GPC5: variants seen among roughly 807,000 people sequenced by gnomAD.
The protein encoded by GPC5 is glypican-5.
A neutral mutation model predicts 53.9 loss-of-function variants in GPC5; 47 were observed. The ratio of observed to expected loss-of-function variants is 0.87; its 90% CI spans 0.69 to 1.11. The LOEUF is 1.11. GPC5 is among the 50% of genes most tolerant of loss of function. The pLI is 0.00. For missense variants in GPC5, 748 were observed against 713.1 expected, an observed-to-expected ratio of 1.05 and a Z score of -0.56; for synonymous variants, 286 against 263.3, an observed-to-expected ratio of 1.09 and a Z score of -0.84.
At chr13:92,289,648 T>A (rs2042980330) in intron 7 of GPC5, among the ~76,000 whole-genome samples, 1 of 151,948 alleles carries the variant, frequency 6.6e-6, no homozygotes, top group African/African-American at 2.4e-5. Flanking sequence ...TTATCTCAAA[T>A]AATAATCATA....
intron 2 of GPC5, among the ~76,000 whole-genome samples, chr13:91,465,750 T>G (rs1043155465): frequency 1.3e-5 from 2 of 151,776 alleles, no homozygotes; most frequent in African/African-American, 4.9e-5. Flanking sequence ...TATCTTTAAC[T>G]TTTTTTCCTC....
At chr13:92,287,527 C>T (rs927303815) in intron 7 of GPC5, among the ~76,000 whole-genome samples, 1 of 151,606 alleles carries the variant, frequency 6.6e-6, no homozygotes, top group African/African-American at 2.4e-5. Flanking sequence ...CATATTGAAG[C>T]TCTTTTATTT....
intron 7 of GPC5, among the ~76,000 whole-genome samples, chr13:92,650,335 C>T (rs938996280): frequency 1.3e-5 from 2 of 152,056 alleles, no homozygotes; most frequent in African/African-American, 4.8e-5. Flanking sequence ...AAGGAAAGTC[C>T]CTTCACACAC....
chr13:91,430,926 G>A (rs541903238), intron 1 of GPC5, among the ~76,000 whole-genome samples: 1 of 152,322 alleles, frequency 6.6e-6, no homozygotes, highest in East Asian at 1.9e-4. Context: ...ATAGGCTGGA[G>A]TGCAGGGGCG....
chr13:91,993,389 A>G (rs965292374), intron 6 of GPC5, among the ~76,000 whole-genome samples: 2 of 152,036 alleles, frequency 1.3e-5, no homozygotes, highest in African/African-American at 4.8e-5. Flanking sequence ...TCAACCCTGA[A>G]TTATGGTTCT....
At chr13:92,801,458 T>C (rs1291760983) in intron 7 of GPC5, among the ~76,000 whole-genome samples, 2 of 151,848 alleles carry the variant, frequency 1.3e-5, no homozygotes, top group Non-Finnish European at 2.9e-5. Flanking sequence ...TTATCTATAG[T>C]ACATAATATT....
At chr13:92,046,277 A>T (rs919022045) in intron 6 of GPC5, among the ~76,000 whole-genome samples, 2 of 152,294 alleles carry the variant, frequency 1.3e-5, no homozygotes, top group East Asian at 3.9e-4. Flanking sequence ...GTTCTTCTAA[A>T]AATATTTCAT....
chr13:92,151,034 G>A lies in GPC5; in HGVS notation c.1561+6045G>A, dbSNP rs140412636. 3.5e-3 allele frequency among the ~76,000 whole-genome samples: 530 copies of A among 152,078 alleles called. 3 individuals are homozygous for A. The highest frequency in any genetic ancestry group is 5.6e-3 in the Non-Finnish European group (378 of 67,918). ...GATGTCATTTTGTTGTGAATAAACA[G>A]AGTGGCTATTGAAATGGCGATATTC... is the stretch of plus-strand genomic sequence containing the variant. On this transcript the variant is annotated intron_variant, in intron 7 of 7. Coordinates refer to ENST00000377067, the MANE Select transcript of GPC5 (RefSeq NM_004466.6).
intron 5 of GPC5, among the ~76,000 whole-genome samples, chr13:91,809,258 G>T (rs1174543515): frequency 6.6e-6 from 1 of 152,212 alleles, no homozygotes; most frequent in South Asian, 2.1e-4. Flanking sequence ...GTATTCAACA[G>T]TTATTTTAAC....
intron 6 of GPC5, among the ~76,000 whole-genome samples, chr13:91,947,744 A>G (rs1318045027): frequency 1.3e-5 from 2 of 152,162 alleles, no homozygotes; most frequent in Non-Finnish European, 2.9e-5. Context: ...TTTGCTTCCA[A>G]TTCTGCAATT....
intron 2 of GPC5, among the ~76,000 whole-genome samples, chr13:91,495,212 T>C (rs1308036603): frequency 6.6e-6 from 1 of 152,108 alleles, no homozygotes; most frequent in Non-Finnish European, 1.5e-5. Context: ...ATCCACAATC[T>C]GAATACATCT....
intron 7 of GPC5, among the ~76,000 whole-genome samples, chr13:92,425,584 GA>G (rs1876795797): frequency 6.6e-6 from 1 of 152,058 alleles, no homozygotes; most frequent in African/African-American, 2.4e-5. Flanking sequence ...TCAGATTCCA[GA>G]GCCTATGTCC....
chr13:91,719,100 C>A (rs2036409014), intron 3 of GPC5, among the ~76,000 whole-genome samples: 1 of 152,082 alleles, frequency 6.6e-6, no homozygotes, highest in Non-Finnish European at 1.5e-5. Context: ...ACCAAATCCT[C>A]ACATCACAGC....
intron 2 of GPC5, among the ~76,000 whole-genome samples, chr13:91,502,118 T>G (rs1051542847): frequency 3.9e-5 from 6 of 152,192 alleles, no homozygotes; most frequent in Non-Finnish European, 7.4e-5. Context: ...TAAATTTGTT[T>G]GAGTTCATTG....
chr13:92,204,510 T>C (rs1048439805), intron 7 of GPC5, among the ~76,000 whole-genome samples: 4 of 152,166 alleles, frequency 2.6e-5, no homozygotes, highest in East Asian at 1.9e-4. Context: ...GGAATCAGGG[T>C]CCAATTACAA....
intron 7 of GPC5, among the ~76,000 whole-genome samples, chr13:92,361,914 C>T (rs1479730814): frequency 4.6e-5 from 7 of 151,482 alleles, no homozygotes; most frequent in Non-Finnish European, 7.4e-5. Context: ...CTACAGCTAA[C>T]GAGCTTTTGT....
intron 6 of GPC5, among the ~76,000 whole-genome samples, chr13:92,088,374 G>A (rs76644761): frequency 0.018 from 2,759 of 152,282 alleles, 31 homozygotes; most frequent in Non-Finnish European, 0.028. Flanking sequence ...AAGGAAGCTG[G>A]ATTGGGGGAC....
chr13:91,492,678 A>T (rs1325757847), intron 2 of GPC5, among the ~76,000 whole-genome samples: 1 of 152,186 alleles, frequency 6.6e-6, no homozygotes, highest in East Asian at 1.9e-4. Context: ...ACCCTCAGAG[A>T]CATACCCAGA....
chr13:92,312,803 C>T (rs2139212237), intron 7 of GPC5, among the ~76,000 whole-genome samples: 1 of 152,194 alleles, frequency 6.6e-6, no homozygotes, highest in East Asian at 1.9e-4. Flanking sequence ...TCTTGAATTA[C>T]ATTTTTGAAA....
Sources: gnomAD v4.1 joint callset for allele counts (sites outside exome capture counted in the v4.1 genomes callset) on GRCh38, gnomAD v4.1.1 for gene constraint, MANE v1.5 for transcripts, NCBI Gene and HGNC (gene_info 2026-07-23, HGNC 2026-07-21) for gene names.